Variants in ZNF704 observed in about 807,000 individuals in gnomAD.
ZNF704 encodes the protein glucocorticoid induced gene 1.
In ZNF704, 10 loss-of-function variants were observed where a neutral mutation model predicts 44.7. The ratio of observed to expected loss-of-function variants is 0.22; its 90% CI spans 0.14 to 0.38. The LOEUF is 0.38. Ranked by LOEUF, ZNF704 falls within the 10% of genes least tolerant of loss-of-function variation. The pLI is 1.00. For missense variants in ZNF704, 390 were observed against 545.5 expected (o/e 0.71, Z 2.84); for synonymous variants, 211 against 207.6 (o/e 1.02, Z -0.14).
intron 2 of ZNF704, among the ~76,000 whole-genome samples, chr8:80,794,255 T>C (rs923310828): frequency 6.6e-6 from 1 of 152,216 alleles, no homozygotes; most frequent in South Asian, 2.1e-4. Flanking sequence ...CTGACAGATA[T>C]GTTTCTTAAG....
chr8:80,666,433 A>G (rs1188508817), intron 5 of ZNF704, among the ~76,000 whole-genome samples: 1 of 151,106 alleles, frequency 6.6e-6, no homozygotes, highest in Non-Finnish European at 1.5e-5. Flanking sequence ...ATACGTGTGC[A>G]TGTGTCTTTA....
intron 2 of ZNF704, among the ~76,000 whole-genome samples, chr8:80,779,633 C>T (rs1196157083): frequency 6.6e-6 from 1 of 151,978 alleles, no homozygotes; most frequent in Non-Finnish European, 1.5e-5. Flanking sequence ...TAGTCATCTT[C>T]ACTTGTCTCT....
chr8:80,876,206 A>G (rs191107360), upstream of ZNF704, among the ~76,000 whole-genome samples: 30 of 152,272 alleles, frequency 2.0e-4, no homozygotes, highest in Admixed American at 1.9e-3. Flanking sequence ...TTTAGATCAC[A>G]CCATTTTCTT....
At chr8:80,782,862 G>T (rs947915511) in intron 2 of ZNF704, among the ~76,000 whole-genome samples, 1 of 152,090 alleles carries the variant, frequency 6.6e-6, no homozygotes, top group African/African-American at 2.4e-5. Flanking sequence ...TTTGCATCCC[G>T]TGAATACTGT....
chr8:80,786,182 A>G (rs943636982), intron 2 of ZNF704, among the ~76,000 whole-genome samples: 15 of 152,090 alleles, frequency 9.9e-5, no homozygotes, highest in African/African-American at 3.6e-4. Flanking sequence ...AGGATCACTT[A>G]TGCCTGGGAG....
intron 7 of ZNF704, among the ~76,000 whole-genome samples, chr8:80,649,341 G>A (rs1016152453): frequency 2.0e-5 from 3 of 152,142 alleles, no homozygotes; most frequent in African/African-American, 7.2e-5. Flanking sequence ...GCAGCACACC[G>A]AGTGTGAGCC....
At chr8:80,843,623 C>A (rs1376198949) in intron 1 of ZNF704, among the ~76,000 whole-genome samples, 1 of 152,178 alleles carries the variant, frequency 6.6e-6, no homozygotes. Context: ...GTGTAACACA[C>A]AATTTTAAAG....
intron 1 of ZNF704, among the ~76,000 whole-genome samples, chr8:80,839,242 A>G (rs1169903730): frequency 6.6e-6 from 1 of 152,252 alleles, no homozygotes; most frequent in South Asian, 2.1e-4. Flanking sequence ...TGGTTGCCAC[A>G]GTCTAACACA....
intron 1 of ZNF704, among the ~76,000 whole-genome samples, chr8:80,872,546 T>C (rs2130080272): frequency 6.6e-6 from 1 of 152,316 alleles, no homozygotes; most frequent in African/African-American, 2.4e-5. Flanking sequence ...TGGTAAAATG[T>C]TATTCAGCTG....
intron 2 of ZNF704, among the ~76,000 whole-genome samples, chr8:80,758,044 T>C (rs904241185): frequency 6.6e-6 from 1 of 152,224 alleles, no homozygotes; most frequent in African/African-American, 2.4e-5. Context: ...ATACACTCAT[T>C]GTCCAGACTT....
At position 80,665,079 on chromosome 8, in the gene ZNF704, G is replaced by T; in HGVS notation, c.663C>A (p.Arg221=). The T allele has an allele frequency of 6.2e-7, 1 of 1,613,788 alleles. No homozygotes were observed. Among genetic ancestry groups the T allele is most frequent in the Non-Finnish European group, 8.5e-7 (1 of 1,179,686 alleles). ...QKHIRTIHLG[R]VGDSDYSDGE... is the part of the protein sequence containing the mutation. ...CATCACTGTAGTCAGAGTCTCCAAC[G>T]CGCCTAATGCAAAAGAGAGTAAAAC... Residue 221 remains arginine (R), a synonymous_variant, in exon 6 of 9, where the codon CGC becomes CGA. Transcript: ENST00000327835.
chr8:80,773,331 A>G (rs534186979), intron 2 of ZNF704, among the ~76,000 whole-genome samples: 58 of 152,194 alleles, frequency 3.8e-4, no homozygotes, highest in Non-Finnish European at 7.8e-4. Context: ...CATTATATGT[A>G]CATAACTTGT....
intron 2 of ZNF704, chr8:80,694,259 T>C (rs770048828): frequency 6.6e-5 from 10 of 152,228 alleles, no homozygotes; most frequent in Non-Finnish European, 1.2e-4. Flanking sequence ...TGGTAATCAT[T>C]CACTGAGATG....
intron 1 of ZNF704, among the ~76,000 whole-genome samples, chr8:80,852,505 T>C (rs1005312017): frequency 6.6e-6 from 1 of 152,246 alleles, no homozygotes; most frequent in South Asian, 2.1e-4. Context: ...AAAGTCATCA[T>C]TGTGGAAATG....
At chr8:80,665,534 T>C (rs1369719311) in intron 5 of ZNF704, among the ~76,000 whole-genome samples, 1 of 29,774 alleles carries the variant, frequency 3.4e-5, no homozygotes, top group African/African-American at 1.3e-4. Flanking sequence ...ACGGGGAGGG[T>C]GGGAGGGAGG....
intron 6 of ZNF704, 104 bp from the exon 7 acceptor site, chr8:80,659,793 T>C: frequency 1.0e-6 from 1 of 968,932 alleles, no homozygotes; most frequent in Non-Finnish European, 1.6e-6. Context: ...CTCAGCTATA[T>C]TAATAACTTG....
intron 1 of ZNF704, among the ~76,000 whole-genome samples, chr8:80,859,595 T>C (rs1809024230): frequency 6.6e-6 from 1 of 152,224 alleles, no homozygotes; most frequent in Non-Finnish European, 1.5e-5. Flanking sequence ...TGTGAATTCT[T>C]TATGTTTCTT....
At chr8:80,821,278 CTA>C in intron 2 of ZNF704, 94 bp downstream of exon 2, 1 of 1,285,310 alleles carries the variant, frequency 7.8e-7, no homozygotes, top group East Asian at 2.3e-5. Context: ...TTTCATATGT[CTA>C]TATACTGAAG....
chr8:80,724,583 C>T (rs867648622), intron 2 of ZNF704, among the ~76,000 whole-genome samples: 3 of 152,204 alleles, frequency 2.0e-5, no homozygotes, highest in Middle Eastern at 3.2e-3. Context: ...AAACTGTACT[C>T]CTGCCTGCCA....
Sources: gnomAD v4.1 joint callset for allele counts (sites outside exome capture counted in the v4.1 genomes callset) on GRCh38, gnomAD v4.1.1 for gene constraint, MANE v1.5 for transcripts, NCBI Gene and HGNC (gene_info 2026-07-23, HGNC 2026-07-21) for gene names.